NTRK3: variants seen among roughly 807,000 people sequenced by gnomAD.
NTRK3 encodes NT-3 growth factor receptor.
A neutral mutation model predicts 91.7 loss-of-function variants in NTRK3; 24 were observed. That is an observed-to-expected ratio of 0.26 (90% CI 0.19 to 0.37). The LOEUF (loss-of-function observed/expected upper bound fraction) is 0.37, where lower values mean the gene tolerates loss of function less well. Ranked by LOEUF, NTRK3 falls within the 10% of genes least tolerant of loss-of-function variation. NTRK3 has a pLI of 1.00. For missense variants in NTRK3, 880 were observed against 1,068.9 expected (o/e 0.82, Z 2.46); for synonymous variants, 483 against 404.0 (o/e 1.20, Z -2.34).
At chr15:88,218,730 C>T (rs563628962) in intron 3 of NTRK3, among the ~76,000 whole-genome samples, 16 of 152,296 alleles carry the variant, frequency 1.1e-4, no homozygotes, top group African/African-American at 3.6e-4. Flanking sequence ...CTGAGCTGCC[C>T]GAAAGCTCAA....
chr15:88,016,385 G>C (rs906387238), intron 14 of NTRK3, among the ~76,000 whole-genome samples: 2 of 152,294 alleles, frequency 1.3e-5, no homozygotes, highest in South Asian at 2.1e-4. Flanking sequence ...TAAACACCAG[G>C]AATTTAAATT....
intron 14 of NTRK3, among the ~76,000 whole-genome samples, chr15:87,962,156 T>C (rs370381335): frequency 6.6e-6 from 1 of 152,188 alleles, no homozygotes; most frequent in Non-Finnish European, 1.5e-5. Context: ...CCAGCTTTTT[T>C]CTCCCTTCCC....
At chr15:88,224,181 C>T (rs914630215) in intron 3 of NTRK3, among the ~76,000 whole-genome samples, 1 of 152,162 alleles carries the variant, frequency 6.6e-6, no homozygotes, top group African/African-American at 2.4e-5. Context: ...GAGCATGGGG[C>T]TGAGAAAGAT....
At chr15:87,921,828 T>C (rs1442336816) in intron 17 of NTRK3, among the ~76,000 whole-genome samples, 1 of 151,932 alleles carries the variant, frequency 6.6e-6, no homozygotes, top group Non-Finnish European at 1.5e-5. Context: ...TCCAGGCTGC[T>C]ATGACTGAGC....
intron 5 of NTRK3, among the ~76,000 whole-genome samples, chr15:88,154,563 A>G (rs2043707032): frequency 6.6e-6 from 1 of 152,196 alleles, no homozygotes; most frequent in Non-Finnish European, 1.5e-5. Flanking sequence ...ATTCAGTTAA[A>G]TTACACTGGA....
At chr15:87,944,091 G>T (rs969664366) in intron 14 of NTRK3, among the ~76,000 whole-genome samples, 1 of 152,240 alleles carries the variant, frequency 6.6e-6, no homozygotes, top group African/African-American at 2.4e-5. Flanking sequence ...CCTGGGTAGG[G>T]TGGTGAGTGC....
chr15:88,142,724 G>A (rs2151275637), intron 6 of NTRK3, among the ~76,000 whole-genome samples: 1 of 152,260 alleles, frequency 6.6e-6, no homozygotes, highest in Middle Eastern at 3.4e-3. Flanking sequence ...ATCTGAGTTG[G>A]GACAGCTGTA....
chr15:88,118,482 C>A (rs1421959814), intron 13 of NTRK3, among the ~76,000 whole-genome samples: 1 of 152,166 alleles, frequency 6.6e-6, no homozygotes, highest in African/African-American at 2.4e-5. Flanking sequence ...GCAACCCCAG[C>A]CCCTCTTGGT....
intron 3 of NTRK3, among the ~76,000 whole-genome samples, chr15:88,242,093 G>A (rs913110296): frequency 6.6e-6 from 1 of 152,304 alleles, no homozygotes; most frequent in African/African-American, 2.4e-5. Context: ...GTAGCCACCT[G>A]CGCATGGACA....
intron 14 of NTRK3, among the ~76,000 whole-genome samples, chr15:87,979,698 C>T (rs1005895599): frequency 6.6e-6 from 1 of 152,118 alleles, no homozygotes; most frequent in Admixed American, 6.5e-5. Flanking sequence ...GGGAAGGGAG[C>T]AAAACCTTTG....
In NTRK3 at chr15:87,916,516, T is replaced by C. The variant is rs1327881419; in HGVS notation, c.2133+12675A>G. On this transcript the variant is annotated intron_variant, in intron 17 of 18. Coordinates refer to ENST00000394480, the Ensembl canonical transcript of NTRK3. ...TCTCAGAATTTTCTTATGGGGCATC[T>C]TCCCCGTCTTTTTTCCCCAGTATCA... 3 of 702,270 alleles carry C rather than the reference T, an allele frequency of 4.3e-6. No individual in the cohort carries two copies. The Admixed American group carries it at 6.0e-5, about 14-fold the overall frequency. 43.5% of individuals were successfully genotyped at this position (702,270 alleles called of 1,614,324 possible).
At chr15:88,155,475 C>A (rs2043802362) in intron 5 of NTRK3, among the ~76,000 whole-genome samples, 1 of 152,214 alleles carries the variant, frequency 6.6e-6, no homozygotes, top group Admixed American at 6.5e-5. Flanking sequence ...GGGTGTAAGG[C>A]AATAAATTTG....
At chr15:88,242,105 A>G (rs777252315) in intron 3 of NTRK3, among the ~76,000 whole-genome samples, 7 of 152,170 alleles carry the variant, frequency 4.6e-5, no homozygotes, top group African/African-American at 9.7e-5. Flanking sequence ...GCATGGACAC[A>G]CTGATGCGTG....
At chr15:87,938,061 A>G (rs554605941) in intron 15 of NTRK3, among the ~76,000 whole-genome samples, 4 of 152,022 alleles carry the variant, frequency 2.6e-5, no homozygotes, top group Non-Finnish European at 4.4e-5. Flanking sequence ...TAAATGTTCT[A>G]TTTGTCTAAT....
At chr15:87,876,834 T>A (rs752640448) in exon 19 of NTRK3, 13 of 1,336,210 alleles carry the variant, frequency 9.7e-6, no homozygotes, top group Non-Finnish European at 1.4e-5. Context: ...TATGAAGATG[T>A]TCGCTTCAGT....
intron 13 of NTRK3, among the ~76,000 whole-genome samples, chr15:88,090,147 G>A (rs1243901767): frequency 4.6e-5 from 7 of 152,054 alleles, no homozygotes; most frequent in Admixed American, 3.3e-4. Flanking sequence ...AGACCTCCCA[G>A]CCCTCTCCAC....
chr15:88,143,154 C>T (rs191074458), intron 6 of NTRK3, among the ~76,000 whole-genome samples: 3 of 152,050 alleles, frequency 2.0e-5, no homozygotes, highest in Non-Finnish European at 4.4e-5. Flanking sequence ...ACCTGGGAGG[C>T]GGAGGTTGCA....
chr15:88,167,148 G>A (rs1348477053), intron 5 of NTRK3, among the ~76,000 whole-genome samples: 2 of 152,122 alleles, frequency 1.3e-5, no homozygotes, highest in African/African-American at 4.8e-5. Context: ...ATCTTTCAGT[G>A]TTTCCAAACT....
intron 17 of NTRK3, among the ~76,000 whole-genome samples, chr15:87,900,690 GGTGTGTGTGTGTGTGTGTGTGT>G (rs61498493): frequency 1.7e-4 from 23 of 138,240 alleles, no homozygotes; most frequent in African/African-American, 5.7e-4. Context: ...CTTTACAGAG[GGTGTGTGTGTGTGTGTGTGTGT>G]GTGTGTGTGT....
Sources: allele counts gnomAD v4.1 joint callset (sites outside exome capture counted in the v4.1 genomes callset), GRCh38; gene constraint gnomAD v4.1.1; transcripts MANE v1.5; gene names NCBI Gene and HGNC (gene_info 2026-07-23, HGNC 2026-07-21).